The following PDZD2 variants were observed in gnomAD, a reference collection of about 807,000 sequenced individuals.
The protein encoded by PDZD2 is PDZ domain containing 2, also known as PDZ domain-containing protein 2.
A neutral mutation model predicts 220.7 loss-of-function variants in PDZD2; 90 were observed. That is an observed-to-expected ratio of 0.41 (90% confidence interval 0.34 to 0.49). The LOEUF is 0.49. Ranked by LOEUF, PDZD2 falls within the 20% of genes least tolerant of loss-of-function variation. The pLI is 0.28. For missense variants in PDZD2, 3,174 were observed against 3,608.5 expected, an observed-to-expected ratio of 0.88 and a Z score of 3.08; for synonymous variants, 1,375 against 1,450.5, an observed-to-expected ratio of 0.95 and a Z score of 1.18.
intron 2 of PDZD2, among the ~76,000 whole-genome samples, chr5:31,831,748 G>GAAA (rs765597222): frequency 9.4e-6 from 1 of 106,348 alleles, no homozygotes; most frequent in Admixed American, 1.0e-4. Context: ...CTCCATCTCA[G>GAAA]AAAAAAAAAA....
chr5:31,667,235 CAAAAAAAAAA>C (rs3031718), intron 1 of PDZD2, among the ~76,000 whole-genome samples: 1 of 52,842 alleles, frequency 1.9e-5, no homozygotes, highest in Non-Finnish European at 3.2e-5. Flanking sequence ...GACTCCGTCT[CAAAAAAAAAA>C]AAAAAAAAAA....
At chr5:32,024,784 A>G (rs1286269344) in intron 6 of PDZD2, among the ~76,000 whole-genome samples, 1 of 152,250 alleles carries the variant, frequency 6.6e-6, no homozygotes, top group Non-Finnish European at 1.5e-5. Context: ...AGGAGTTACA[A>G]CTGAAGGACC....
At chr5:31,999,532 A>G (rs372308029) in intron 4 of PDZD2, among the ~76,000 whole-genome samples, 30 of 152,250 alleles carry the variant, frequency 2.0e-4, no homozygotes, top group African/African-American at 6.7e-4. Context: ...CACACACAAA[A>G]AAACATACTT....
chr5:31,873,533 TTTTATTTA>T lies in PDZD2; in HGVS notation c.476+73850_476+73857del, dbSNP rs57704132. Among the ~76,000 whole-genome samples, 1,375 of 144,078 alleles carry T rather than the reference TTTTATTTA, an allele frequency of 9.5e-3. 13 individuals are homozygous for T. Among genetic ancestry groups the T allele is most frequent in the South Asian group, 0.05 (225 of 4,466 alleles). The allele number at this position is 144,078 out of a possible 152,430, so 94.5% of individuals were successfully genotyped here. ...GGCCAGCTAGAAGATTGAAAATTCT[TTTTATTTA>T]TTTATTTATTTATTTATTTATTTAT... On this transcript the variant is annotated intron_variant, in intron 2 of 24. Transcript: ENST00000438447.
chr5:31,641,751 C>T (rs904746493), intron 1 of PDZD2, among the ~76,000 whole-genome samples: 4 of 152,048 alleles, frequency 2.6e-5, no homozygotes, highest in South Asian at 2.1e-4. Context: ...GGTCTCCCAA[C>T]GTGCTGGAAT....
intron 6 of PDZD2, among the ~76,000 whole-genome samples, chr5:32,028,925 C>A (rs577551615): frequency 1.2e-4 from 18 of 152,076 alleles, no homozygotes; most frequent in Non-Finnish European, 2.1e-4. Context: ...TCAAGTGATC[C>A]GCCTGCCTTG....
chr5:31,648,874 G>GTTTGGATAAATGTATCCAAATGTA (rs1441245154), intron 1 of PDZD2, among the ~76,000 whole-genome samples: 128 of 152,130 alleles, frequency 8.4e-4, no homozygotes, highest in African/African-American at 2.8e-3. Flanking sequence ...TTACCTTAGG[G>GTTTGGATAAATGTATCCAAATGTA]GTTCACTCTT....
intron 1 of PDZD2, among the ~76,000 whole-genome samples, chr5:31,785,896 C>T (rs918263447): frequency 1.3e-5 from 2 of 152,084 alleles, no homozygotes; most frequent in African/African-American, 2.4e-5. Flanking sequence ...TTCTTACAGT[C>T]GCTCCACATC....
At chr5:31,667,334 A>T (rs902889694) in intron 1 of PDZD2, among the ~76,000 whole-genome samples, 3 of 151,998 alleles carry the variant, frequency 2.0e-5, no homozygotes, top group African/African-American at 7.3e-5. Flanking sequence ...AGACACTCAA[A>T]ACGCCTAGCC....
intron 2 of PDZD2, among the ~76,000 whole-genome samples, chr5:31,869,455 T>C (rs949454695): frequency 1.4e-4 from 21 of 151,824 alleles, no homozygotes; most frequent in Admixed American, 2.6e-4. Flanking sequence ...CCCAGCTACT[T>C]GGGAGGCTGA....
At position 32,053,763 on chromosome 5, in the gene PDZD2, A is replaced by T. The variant is rs1738815966; in HGVS notation, c.1786-6A>T. ...CAACCTGGACTCTCATCTGCTTCGGATCTAGGGCCTTGGCTTTAGTATTGC... is the reference window on the plus strand; with the variant it reads ...CAACCTGGACTCTCATCTGCTTCGGTTCTAGGGCCTTGGCTTTAGTATTGC... On this transcript the variant is annotated splice_region_variant and splice_polypyrimidine_tract_variant and intron_variant, in intron 9 of 24. Coordinates refer to ENST00000438447, the MANE Select transcript of PDZD2 (RefSeq NM_178140.4). 6.4e-7 allele frequency: 1 copy of T among 1,559,404 alleles called. No individual in the cohort carries two copies. The highest frequency in any genetic ancestry group is 8.8e-7 in the Non-Finnish European group (1 of 1,130,196).
chr5:32,045,556 G>A (rs1737852029), intron 7 of PDZD2, among the ~76,000 whole-genome samples: 1 of 150,694 alleles, frequency 6.6e-6, no homozygotes, highest in African/African-American at 2.4e-5. Context: ...GTGTAGCTGG[G>A]ACTACAGGCA....
In PDZD2 at chr5:32,074,356, G is replaced by A. The variant is rs115304584; in HGVS notation, c.3250G>A (p.Ala1084Thr). The A allele has an allele frequency of 0.014, 21,944 of 1,614,152 alleles. 166 individuals carry two copies. Among genetic ancestry groups the A allele is most frequent in the Non-Finnish European group, 0.017 (19,489 of 1,180,030 alleles). Residue 1084 changes from alanine (A) to threonine (T), a missense_variant, in exon 18 of 25, where the codon GCA (alanine) becomes ACA (threonine). Coordinates refer to ENST00000438447, the MANE Select transcript of PDZD2 (RefSeq NM_178140.4). ...WKKELSGSSSAPKLEYTVRTD... is the reference protein window; with the variant it reads ...WKKELSGSSSTPKLEYTVRTD... Reference sequence around the variant, plus strand: ...GAAGGAACTGTCAGGATCAAGTAGCGCACCCAAATTGGAATACACAGTCCG... The same window carrying A: ...GAAGGAACTGTCAGGATCAAGTAGCACACCCAAATTGGAATACACAGTCCG...
chr5:31,861,354 T>G (rs1334986981), intron 2 of PDZD2, among the ~76,000 whole-genome samples: 18 of 152,228 alleles, frequency 1.2e-4, no homozygotes, highest in Admixed American at 1.2e-3. Flanking sequence ...GATTTATTTA[T>G]GCATCGCTTA....
rs71614264 is a variant in PDZD2, at chr5:31,753,600, C to CAAATAAAT, written c.-360-45277_-360-45270dup. On this transcript the variant is annotated intron_variant, in intron 1 of 24. Transcript: ENST00000438447. ...TGGGCAACAGAGTGAGACTCTGTCT[C>CAAATAAAT]AAATAAATAAATAAATAAACAAACA... Among the ~76,000 whole-genome samples, 908 of 149,672 alleles carry CAAATAAAT rather than the reference C, an allele frequency of 6.1e-3. 4 individuals are homozygous for CAAATAAAT. The highest frequency in any genetic ancestry group is 0.012 in the African/African-American group (468 of 40,468).
At chr5:31,686,285 T>C (rs528692663) in intron 1 of PDZD2, among the ~76,000 whole-genome samples, 4 of 152,124 alleles carry the variant, frequency 2.6e-5, no homozygotes, top group Admixed American at 1.3e-4. Flanking sequence ...TCATTGATAG[T>C]TTTTAAGTTA....
intron 2 of PDZD2, among the ~76,000 whole-genome samples, chr5:31,867,504 T>G (rs947956017): frequency 6.6e-6 from 1 of 152,222 alleles, no homozygotes; most frequent in Non-Finnish European, 1.5e-5. Context: ...AGCCTTTCTC[T>G]GGGAGGCCTT....
At chr5:31,765,518 C>CCAGA (rs1323156149) in intron 1 of PDZD2, among the ~76,000 whole-genome samples, 2 of 152,180 alleles carry the variant, frequency 1.3e-5, no homozygotes, top group African/African-American at 4.8e-5. Flanking sequence ...TTCTGTCTTC[C>CCAGA]TCTGGCTCTA....
chr5:31,720,411 A>G (rs1371952277), intron 1 of PDZD2, among the ~76,000 whole-genome samples: 1 of 152,252 alleles, frequency 6.6e-6, no homozygotes, highest in African/African-American at 2.4e-5. Flanking sequence ...AAAAAATGCT[A>G]TACTCGAGGT....
Sources: gnomAD v4.1 joint callset for allele counts (sites outside exome capture counted in the v4.1 genomes callset) on GRCh38, gnomAD v4.1.1 for gene constraint, MANE v1.5 for transcripts, NCBI Gene and HGNC (gene_info 2026-07-23, HGNC 2026-07-21) for gene names.